PI4KB: variants seen among roughly 807,000 people sequenced by gnomAD.
The protein encoded by PI4KB is phosphatidylinositol 4-kinase beta, also known as PtdIns 4-kinase beta.
PI4KB carries 23 observed loss-of-function variants against 81.4 expected under a neutral mutation model. That is an observed-to-expected ratio of 0.28 (90% CI 0.20 to 0.40). The LOEUF (loss-of-function observed/expected upper bound fraction) is 0.40, where lower values mean the gene tolerates loss of function less well. Ranked by LOEUF, PI4KB falls within the 10% of genes least tolerant of loss-of-function variation. The probability of loss-of-function intolerance (pLI) is 1.00; values close to 1 mark genes in which losing one functional copy is unlikely to be tolerated. For missense variants in PI4KB, 651 were observed against 1,036.6 expected (o/e 0.63, Z 5.11); for synonymous variants, 381 against 406.8 (o/e 0.94, Z 0.76).
intron 2 of PI4KB, among the ~76,000 whole-genome samples, chr1:151,314,245 G>A (rs1428395762): frequency 6.6e-6 from 1 of 152,236 alleles, no homozygotes; most frequent in Admixed American, 6.5e-5. Flanking sequence ...CAAGACCATA[G>A]CTATCCGCAT....
At chr1:151,293,122 A>G in intron 11 of PI4KB, 89 bp from the exon 12 acceptor site, 2 of 1,547,484 alleles carry the variant, frequency 1.3e-6, no homozygotes, top group Non-Finnish European at 1.7e-6. Context: ...GGGCATCTGA[A>G]GTGCCCTTTT....
chr1:151,307,638 C>T lies in PI4KB; in HGVS notation c.1118G>A (p.Gly373Asp). The change falls in exon 4 of 12, where the codon GGC becomes GAC. Residue 373 changes from glycine to aspartate, a missense_variant. Around this residue, in one of 5 missense-constraint regions of PI4KB, gnomAD observed 246 missense variants for 430.1 expected, o/e 0.57. Coordinates refer to ENST00000368873, the MANE Select transcript of PI4KB (RefSeq NM_001369623.2). ...TACACGGACCACGTGGTGGTCAAAG[C>T]CAGCAGTGGGCAGCCAGACTCGGGC... is the stretch of plus-strand genomic sequence containing the variant. ...LPARVWLPTA[G>D]FDHHVVRVPH... The T allele has an allele frequency of 6.2e-7, 1 of 1,614,178 alleles. No individual in the cohort carries two copies. Among genetic ancestry groups the T allele is most frequent in the Non-Finnish European group, 8.5e-7 (1 of 1,180,034 alleles).
intron 1 of PI4KB, among the ~76,000 whole-genome samples, chr1:151,323,438 C>T (rs909995123): frequency 1.4e-5 from 2 of 138,986 alleles, no homozygotes; most frequent in East Asian, 2.1e-4. Context: ...ACCTGGGAGG[C>T]GCAGGTTGCC....
At chr1:151,308,168 C>T (rs765436252) in intron 3 of PI4KB, among the ~76,000 whole-genome samples, 5 of 152,196 alleles carry the variant, frequency 3.3e-5, no homozygotes, top group Non-Finnish European at 4.4e-5. Flanking sequence ...GCTGCTTACA[C>T]CTGAATTGTT....
intron 1 of PI4KB, among the ~76,000 whole-genome samples, chr1:151,319,593 C>T (rs562222792): frequency 1.4e-4 from 21 of 152,302 alleles, no homozygotes; most frequent in Middle Eastern, 3.4e-3. Context: ...ACAAAGAACA[C>T]CTCCTCTGGA....
chr1:151,302,325 C>G, intron 6 of PI4KB, 27 bp from the exon 7 acceptor site: 1 of 1,522,806 alleles, frequency 6.6e-7, no homozygotes, highest in Non-Finnish European at 9.1e-7. Flanking sequence ...ACATCATTTG[C>G]TTGGAGAAGC....
chr1:151,320,788 A>T (rs1648739487), intron 1 of PI4KB, among the ~76,000 whole-genome samples: 1 of 152,196 alleles, frequency 6.6e-6, no homozygotes, highest in Admixed American at 6.5e-5. Flanking sequence ...TGATAGCCTC[A>T]ATCATCTTAA....
chr1:151,317,573 C>T lies in PI4KB; in HGVS notation c.-28-1064G>A, dbSNP rs146019875. 1.9e-3 allele frequency among the ~76,000 whole-genome samples: 287 copies of T among 152,230 alleles called. 1 individual carries two copies. Among genetic ancestry groups the T allele is most frequent in the Non-Finnish European group, 2.7e-3 (181 of 68,018 alleles). On this transcript the variant is annotated intron_variant, in intron 1 of 11. Coordinates refer to ENST00000368873, the MANE Select transcript of PI4KB (RefSeq NM_001369623.2). The stretch of plus-strand genomic sequence containing the variant: ...TCAAGCAATCCTCCCTCCTCAGCCT[C>T]GTAAAGTGTTGGAATTACAGGCATG...
intron 11 of PI4KB, chr1:151,293,576 C>G (rs1216401456): frequency 5.8e-6 from 2 of 347,356 alleles, no homozygotes; most frequent in African/African-American, 4.5e-5. Flanking sequence ...GGGCAAAAGA[C>G]TGTAGATGGC....
intron 9 of PI4KB, among the ~76,000 whole-genome samples, chr1:151,295,086 T>C (rs1298223429): frequency 6.6e-6 from 1 of 152,066 alleles, no homozygotes; most frequent in African/African-American, 2.4e-5. Context: ...AAGGGGTAAG[T>C]TTTAAATCAC....
rs587759767 is a variant in PI4KB, at chr1:151,294,069, C to T, written c.2218G>A (p.Ala740Thr). The stretch of plus-strand genomic sequence containing the variant: ...ACCACCTTGTCCATGTGTTTCCGAG[C>T]GGCAATCAGCCCTTGCAGCATCAGC... The part of the protein sequence containing the change: ...KMLMLQGLIA[A>T]RKHMDKVVQI... The change falls in exon 11 of 12, where the codon GCT becomes ACT. Residue 740 changes from alanine (A) to threonine (T), a missense_variant. Ala to Thr is a moderately conservative substitution (Grantham distance 58). Around this residue, in one of 5 missense-constraint regions of PI4KB, gnomAD observed 70 missense variants for 108.1 expected, o/e 0.65. Coordinates refer to ENST00000368873, the MANE Select transcript of PI4KB (RefSeq NM_001369623.2). The T allele has an allele frequency of 1.2e-6, 2 of 1,614,114 alleles. No individual in the cohort carries two copies. Among genetic ancestry groups the T allele is most frequent in the South Asian group, 1.1e-5 (1 of 91,082 alleles).
intron 2 of PI4KB, 144 bp downstream of exon 2, chr1:151,315,429 C>T (rs587637678): frequency 3.3e-4 from 216 of 664,346 alleles, no homozygotes; most frequent in Non-Finnish European, 5.1e-4. Flanking sequence ...TAAGGCCTTT[C>T]CATTCTAACA....
chr1:151,294,679 TCTC>T lies in PI4KB; in HGVS notation c.2016-141_2016-139del, dbSNP rs3831365. On this transcript the variant is annotated intron_variant, in intron 9 of 11. Transcript: ENST00000368873. ...TGTTTCCTGCTGCCCGTAACTCCAA[TCTC>T]CTGTCCAGTTTCCTAGGACCTAAAG... is the stretch of plus-strand genomic sequence containing the variant. The T allele has an allele frequency of 0.01, 6,909 of 683,186 alleles. 483 individuals carry two copies. In the East Asian group the frequency reaches 0.16, roughly 16 times the overall value. 42.3% of individuals were successfully genotyped at this position (683,186 alleles called of 1,614,324 possible). A position where few individuals can be genotyped will look rare whatever the true frequency, so the allele number is the denominator to read the frequency against.
chr1:151,303,017 G>C (rs995650745), intron 6 of PI4KB, among the ~76,000 whole-genome samples: 3 of 25,856 alleles, frequency 1.2e-4, no homozygotes, highest in Non-Finnish European at 1.5e-4. Flanking sequence ...TTTTTTTTTT[G>C]AGACGGAGTC....
intron 10 of PI4KB, 113 bp from the exon 11 acceptor site, chr1:151,294,251 T>C (rs1469285659): frequency 2.0e-6 from 3 of 1,493,078 alleles, no homozygotes; most frequent in Middle Eastern, 2.1e-4. Context: ...TATTTCCCCC[T>C]TCCTTATTGG....
intron 2 of PI4KB, among the ~76,000 whole-genome samples, chr1:151,313,125 C>T (rs775237034): frequency 2.0e-5 from 3 of 152,180 alleles, no homozygotes; most frequent in Admixed American, 1.3e-4. Context: ...CCTGTGCTGA[C>T]GACTCTAATG....
chr1:151,326,197 C>A, intron 1 of PI4KB: 1 of 1,610,820 alleles, frequency 6.2e-7, no homozygotes. Flanking sequence ...CCACGCAGGC[C>A]TGTTCATCCC....
chr1:151,325,946 C>G (rs1571237681), intron 1 of PI4KB, among the ~76,000 whole-genome samples: 1 of 152,100 alleles, frequency 6.6e-6, no homozygotes, highest in East Asian at 1.9e-4. Flanking sequence ...CCAGGAGTCC[C>G]GATTCTGAAT....
At chr1:151,294,226 C>A in intron 10 of PI4KB, 88 bp from the exon 11 acceptor site, 1 of 1,524,672 alleles carries the variant, frequency 6.6e-7, no homozygotes, top group South Asian at 1.3e-5. Flanking sequence ...ACTCCTCCTC[C>A]TCTTGGGGCC....
Sources: gnomAD v4.1 joint callset for allele counts (sites outside exome capture counted in the v4.1 genomes callset) on GRCh38, gnomAD v4.1.1 for gene constraint, gnomAD v4.1.1 regional missense constraint, MANE v1.5 for transcripts, NCBI Gene and HGNC (gene_info 2026-07-23, HGNC 2026-07-21) for gene names.